Variants in KCNU1 observed in about 807,000 individuals in gnomAD.
KCNU1 encodes potassium channel subfamily U member 1.
KCNU1 carries 93 observed loss-of-function variants against 126.8 expected under a neutral mutation model. The observed-to-expected ratio is 0.73, with a 90% CI of 0.62 to 0.87. KCNU1 has a LOEUF of 0.87. Ranked by LOEUF, KCNU1 falls within the 40% of genes least tolerant of loss-of-function variation. KCNU1 has a pLI of 0.00. For missense variants in KCNU1, 1,330 were observed against 1,367.1 expected (o/e 0.97, Z 0.43); for synonymous variants, 523 against 494.2 (o/e 1.06, Z -0.77).
At chr8:36,864,117 C>A (rs781440164) in intron 18 of KCNU1, among the ~76,000 whole-genome samples, 4 of 152,064 alleles carry the variant, frequency 2.6e-5, no homozygotes, top group Non-Finnish European at 4.4e-5. Context: ...GTAGCAAATG[C>A]ACTTGGGTGA....
intron 2 of KCNU1, among the ~76,000 whole-genome samples, chr8:36,789,617 G>A (rs960165715): frequency 4.6e-5 from 7 of 152,090 alleles, no homozygotes; most frequent in Non-Finnish European, 5.9e-5. Context: ...GGGTAGATAC[G>A]AAAATTACAT....
chr8:36,933,930 A>G (rs1444033052), intron 26 of KCNU1, among the ~76,000 whole-genome samples: 1 of 152,126 alleles, frequency 6.6e-6, no homozygotes, highest in African/African-American at 2.4e-5. Flanking sequence ...GAGTTGAGAA[A>G]GGAGTCAATG....
intron 22 of KCNU1, among the ~76,000 whole-genome samples, chr8:36,915,913 A>G (rs1389561173): frequency 6.6e-6 from 1 of 152,078 alleles, no homozygotes; most frequent in Non-Finnish European, 1.5e-5. Context: ...TAGATATTTT[A>G]AAATATTTAA....
intron 19 of KCNU1, among the ~76,000 whole-genome samples, chr8:36,867,336 G>A (rs989615425): frequency 3.9e-5 from 6 of 152,082 alleles, no homozygotes; most frequent in African/African-American, 1.4e-4. Context: ...AAAGCCTGGG[G>A]GGAATGTGGC....
At chr8:36,796,665 G>A (rs1054483714) in intron 2 of KCNU1, among the ~76,000 whole-genome samples, 1 of 152,106 alleles carries the variant, frequency 6.6e-6, no homozygotes, top group Non-Finnish European at 1.5e-5. Flanking sequence ...ATTTTAGAAT[G>A]CAATATTAGC....
intron 22 of KCNU1, 38 bp from the exon 23 acceptor site, chr8:36,918,785 A>T (rs745367718): frequency 1.7e-6 from 2 of 1,206,846 alleles, no homozygotes; most frequent in Non-Finnish European, 2.5e-6. Flanking sequence ...TTTGTAAGGC[A>T]TTGTGTTTGC....
At chr8:36,853,904 G>A (rs996734790) in intron 18 of KCNU1, among the ~76,000 whole-genome samples, 2 of 152,142 alleles carry the variant, frequency 1.3e-5, no homozygotes, top group Admixed American at 1.3e-4. Context: ...TGTAGGGTTT[G>A]TCATATGTGA....
At chr8:36,850,645 T>C (rs947462727) in intron 18 of KCNU1, among the ~76,000 whole-genome samples, 4 of 152,052 alleles carry the variant, frequency 2.6e-5, no homozygotes, top group Admixed American at 6.5e-5. Context: ...TTTGTAAAGA[T>C]AGGGTTTTAT....
intron 24 of KCNU1, 110 bp from the exon 25 acceptor site, chr8:36,930,841 A>G: frequency 1.5e-6 from 1 of 660,774 alleles, no homozygotes; most frequent in East Asian, 2.9e-5. Flanking sequence ...GTTCTACACC[A>G]TCAGGTCCAT....
intron 10 of KCNU1, among the ~76,000 whole-genome samples, chr8:36,827,267 C>T (rs145241240): frequency 2.6e-5 from 4 of 152,268 alleles, no homozygotes; most frequent in East Asian, 3.9e-4. Context: ...GGATGACAGC[C>T]GAATTATAAG....
intron 19 of KCNU1, 55 bp downstream of exon 19, chr8:36,864,576 C>T (rs573991750): frequency 1.0e-6 from 1 of 956,584 alleles, no homozygotes; most frequent in East Asian, 2.4e-5. Flanking sequence ...ATCAGTGGGC[C>T]ATATATATTG....
rs765527038 is a variant in KCNU1 at position 36,804,017 on chromosome 8, T to TC, written c.316-9dup. The TC allele has an allele frequency of 5.1e-5, 79 of 1,543,296 alleles. No homozygotes were observed. Among genetic ancestry groups the TC allele is most frequent in the Middle Eastern group, 5.0e-4 (3 of 5,974 alleles). ...GGATTTAGACATTTGTCCCTGTTTT[T>TC]CATTTTCAGGTGATCCTTGTCTTTG... On this transcript the variant is annotated splice_polypyrimidine_tract_variant and intron_variant, in intron 2 of 26. Coordinates refer to ENST00000399881, the MANE Select transcript of KCNU1 (RefSeq NM_001031836.3).
Position 36,935,525 on chromosome 8 carries a change from A to ACC in KCNU1, c.3057_3058dup (p.Arg1020ProfsTer41). 6.3e-7 allele frequency: 1 copy of ACC among 1,596,398 alleles called. No homozygotes were observed. Among genetic ancestry groups the ACC allele is most frequent in the Non-Finnish European group, 8.5e-7 (1 of 1,170,206 alleles). On this transcript the variant is annotated frameshift_variant, in exon 27 of 27. Transcript: ENST00000399881. LOFTEE classifies it low-confidence loss of function (END_TRUNC). ...TGACTTGTCTTACAGGTTTGTGATC[A>ACC]CCCGGCCAGCCAATGAGTTCAAGCT...
At chr8:36,932,893 A>C in intron 25 of KCNU1, 27 bp from the exon 26 acceptor site, 1 of 1,288,696 alleles carries the variant, frequency 7.8e-7, no homozygotes, top group Non-Finnish European at 1.1e-6. Flanking sequence ...TGCCCAGCAG[A>C]CATATTTTTG....
intron 18 of KCNU1, among the ~76,000 whole-genome samples, chr8:36,859,785 A>T (rs964488817): frequency 6.6e-6 from 1 of 152,300 alleles, no homozygotes. Context: ...AATTATTGAA[A>T]TTTTCAAGGT....
At chr8:36,827,212 A>G (rs2130517145) in intron 10 of KCNU1, among the ~76,000 whole-genome samples, 1 of 152,314 alleles carries the variant, frequency 6.6e-6, no homozygotes, top group African/African-American at 2.4e-5. Flanking sequence ...ATCTAATCCA[A>G]GCTCAATGCT....
chr8:36,822,891 A>T (rs1804180497), intron 10 of KCNU1, among the ~76,000 whole-genome samples: 2 of 152,190 alleles, frequency 1.3e-5, no homozygotes, highest in Admixed American at 6.6e-5. Flanking sequence ...CATGTGTCTT[A>T]TACATTTTGT....
At position 36,918,841 on chromosome 8, in the gene KCNU1, C is replaced by T; in HGVS notation, c.2540C>T (p.Thr847Ile). The change falls in exon 23 of 27, where the codon ACA becomes ATA. Residue 847 changes from threonine (T) to isoleucine (I), a missense_variant. Physicochemically the swap from Thr to Ile is moderately conservative, Grantham distance 89. This residue lies in a region of KCNU1 where 1,054 missense variants were observed against 1,053.9 expected (regional missense o/e 1.00). Transcript: ENST00000399881. ...PSVSEETPGY[T>I]NGHNEKSNCR... Reference sequence around the variant, plus strand: ...TTTGCAGAGGAGACTCCAGGTTACACAAATGGACATAATGAGAAATCAAAC... The same window carrying T: ...TTTGCAGAGGAGACTCCAGGTTACATAAATGGACATAATGAGAAATCAAAC... 6.2e-7 allele frequency: 1 copy of T among 1,607,358 alleles called. No individual in the cohort carries two copies. The highest frequency in any genetic ancestry group is 8.5e-7 in the Non-Finnish European group (1 of 1,173,958).
In KCNU1 at chr8:36,814,396, A is replaced by G. The variant is rs1175127262; in HGVS notation, c.903+19A>G. ...GAGTTTGGTGAAGAATATTTTTAAT[A>G]TATTTTGAATATAGCTACATAAACC... On this transcript the variant is annotated intron_variant, in intron 8 of 26. Coordinates refer to ENST00000399881, the MANE Select transcript of KCNU1 (RefSeq NM_001031836.3). 1 of 1,515,466 alleles carries G rather than the reference A, an allele frequency of 6.6e-7. No individual in the cohort carries two copies. The highest frequency in any genetic ancestry group is 1.4e-5 in the African/African-American group (1 of 72,426). The allele number at this position is 1,515,466 out of a possible 1,614,324, so 93.9% of individuals were successfully genotyped here. A position where few individuals can be genotyped will look rare whatever the true frequency, so the allele number is the denominator to read the frequency against.
Sources: gnomAD v4.1 joint callset for allele counts (sites outside exome capture counted in the v4.1 genomes callset) on GRCh38, gnomAD v4.1.1 for gene constraint, gnomAD v4.1.1 regional missense constraint, MANE v1.5 for transcripts, NCBI Gene and HGNC (gene_info 2026-07-23, HGNC 2026-07-21) for gene names.